Variants in ABHD2 observed in about 807,000 individuals in gnomAD.
ABHD2 encodes abhydrolase domain containing 2, acylglycerol lipase.
A neutral mutation model predicts 48.1 loss-of-function variants in ABHD2; 20 were observed. The observed-to-expected ratio is 0.42, with a 90% confidence interval of 0.29 to 0.60. The LOEUF (loss-of-function observed/expected upper bound fraction) is 0.60, where lower values mean the gene tolerates loss of function less well. Among genes scored for constraint, ABHD2 ranks in the 20% least tolerant of loss-of-function variants. The pLI is 0.24. For synonymous variants in ABHD2, 209 were observed against 214.2 expected (o/e 0.98, Z 0.21); for missense variants, 405 against 550.9 (o/e 0.74, Z 2.65).
rs929902871 is a variant in ABHD2 at position 89,185,087 on chromosome 15, C to A, written c.723-337C>A. Among the ~76,000 whole-genome samples, 1 of 152,232 alleles carries A rather than the reference C, an allele frequency of 6.6e-6. No individual in the cohort carries two copies. Among genetic ancestry groups the A allele is most frequent in the African/African-American group, 2.4e-5 (1 of 41,464 alleles). Reference sequence around the variant, plus strand: ...GGGAGCCAAATACAGAAAGTGTTCACATGACAATTGAAGCAGACTTTGGTC... The same window carrying A: ...GGGAGCCAAATACAGAAAGTGTTCAAATGACAATTGAAGCAGACTTTGGTC... On this transcript the variant is annotated intron_variant, in intron 6 of 10. Coordinates refer to ENST00000352732, the MANE Select transcript of ABHD2 (RefSeq NM_152924.5). This position sits in a 1 kb window ranked among gnomAD's most constrained non-coding sequence, Gnocchi z 5.9.
chr15:89,185,466 C>T lies in ABHD2; in HGVS notation c.765C>T (p.Phe255=). ...TGCAATGGGATCAGTGCCGGCGGTT[C>T]TACAACTTCCTCATGGCTGACAACA... ...TFMQWDQCRR[F]YNFLMADNMK... The change falls in exon 7 of 11, where the codon TTC becomes TTT. Residue 255 remains phenylalanine (F), a synonymous_variant. Transcript: ENST00000352732. The surrounding 1 kb of genome is among the most constrained non-coding windows in gnomAD (Gnocchi z 5.9). The T allele has an allele frequency of 1.2e-6, 2 of 1,614,208 alleles. No individual in the cohort carries two copies. Among genetic ancestry groups the T allele is most frequent in the Non-Finnish European group, 1.7e-6 (2 of 1,180,030 alleles).
chr15:89,177,222 G>A lies in ABHD2; in HGVS notation c.722+1227G>A, dbSNP rs934590082. ...TAAGCAGTACCTACCTCATAGCACCGCTGAGAGTCAAATGAGTTGATGCGT... is the reference window on the plus strand; with the variant it reads ...TAAGCAGTACCTACCTCATAGCACCACTGAGAGTCAAATGAGTTGATGCGT... On this transcript the variant is annotated intron_variant, in intron 6 of 10. Transcript: ENST00000352732. The surrounding 1 kb of genome is among the most constrained non-coding windows in gnomAD (Gnocchi z 5.6). Among the ~76,000 whole-genome samples the A allele has an allele frequency of 8.5e-5, 13 of 152,202 alleles. No homozygotes were observed. Among genetic ancestry groups the A allele is most frequent in the Admixed American group, 2.6e-4 (4 of 15,278 alleles).
In ABHD2 at chr15:89,184,386, A is replaced by G. The variant is rs915474398; in HGVS notation, c.723-1038A>G. ...GGTCCCCTCACTTACCATCTGGAAG[A>G]TGGAACCTAGTAGAAGTAGTGACGT... is the stretch of plus-strand genomic sequence containing the variant. On this transcript the variant is annotated intron_variant, in intron 6 of 10. Coordinates refer to ENST00000352732, the MANE Select transcript of ABHD2 (RefSeq NM_152924.5). The surrounding 1 kb of genome is among the most constrained non-coding windows in gnomAD (Gnocchi z 5.1). 2.0e-5 allele frequency among the ~76,000 whole-genome samples: 3 copies of G among 152,230 alleles called. No homozygotes were observed. Among genetic ancestry groups the G allele is most frequent in the Non-Finnish European group, 4.4e-5 (3 of 68,050 alleles).
chr15:89,070,485 A>G, the ABHD2 span, among the ~76,000 whole-genome samples: 1 of 152,124 alleles, frequency 6.6e-6, no homozygotes, highest in African/African-American at 2.4e-5. Flanking sequence ...TTGGGTCTGG[A>G]TGTGGTTTCC....
rs1283100599 is a variant in ABHD2 at position 89,137,376 on chromosome 15, C to T, written c.195-14301C>T. The stretch of plus-strand genomic sequence containing the variant: ...GTTTTCTTTGAACTTTAGAAAAGCA[C>T]ATTTATTTTTCCTTGGAGCAAAAAA... On this transcript the variant is annotated intron_variant, in intron 3 of 10. Coordinates refer to ENST00000352732, the MANE Select transcript of ABHD2 (RefSeq NM_152924.5). The surrounding 1 kb of genome is among the most constrained non-coding windows in gnomAD (Gnocchi z 4.8). Among the ~76,000 whole-genome samples the T allele has an allele frequency of 1.3e-5, 2 of 152,164 alleles. No homozygotes were observed. Among genetic ancestry groups the T allele is most frequent in the East Asian group, 1.9e-4 (1 of 5,198 alleles).
rs1159853017 is a variant in ABHD2, at chr15:89,088,871, T to C, written c.-107+308T>C. Reference sequence around the variant, plus strand: ...CCCCATTGGTGCTCACTCCTGGGTCTTCAGGGGCCTGGGGAGGGGTCTGCC... The same window carrying C: ...CCCCATTGGTGCTCACTCCTGGGTCCTCAGGGGCCTGGGGAGGGGTCTGCC... On this transcript the variant is annotated intron_variant, in intron 1 of 10. Transcript: ENST00000352732. The surrounding 1 kb of genome is among the most constrained non-coding windows in gnomAD (Gnocchi z 6.8). 6.6e-6 allele frequency among the ~76,000 whole-genome samples: 1 copy of C among 152,206 alleles called. No individual in the cohort carries two copies. The highest frequency in any genetic ancestry group is 1.5e-5 in the Non-Finnish European group (1 of 68,022).
rs2051271804 is a variant in ABHD2, at chr15:89,189,704, T to C, written c.927-1376T>C. 6.6e-6 allele frequency among the ~76,000 whole-genome samples: 1 copy of C among 152,136 alleles called. No homozygotes were observed. The highest frequency in any genetic ancestry group is 6.5e-5 in the Admixed American group (1 of 15,282). ...TCAAAGGAAATGAAAACTAGGAAAT[T>C]GCTGGTATGTTCAGAAGGTGAAAAA... On this transcript the variant is annotated intron_variant, in intron 8 of 10. Coordinates refer to ENST00000352732, the MANE Select transcript of ABHD2 (RefSeq NM_152924.5). The surrounding 1 kb of genome is among the most constrained non-coding windows in gnomAD (Gnocchi z 4.9).
At chr15:89,089,049 T>C (rs1048571161) in intron 1 of ABHD2, among the ~76,000 whole-genome samples, 18 of 152,224 alleles carry the variant, frequency 1.2e-4, no homozygotes, top group African/African-American at 4.3e-4. Flanking sequence ...GAAAGGCAGC[T>C]TTTGACCCAC....
At chr15:89,105,042 C>T (rs890073904) in intron 1 of ABHD2, among the ~76,000 whole-genome samples, 1 of 152,198 alleles carries the variant, frequency 6.6e-6, no homozygotes, top group East Asian at 1.9e-4. Context: ...CTAGAGGAAA[C>T]ACCTGGCGTA....
At position 89,097,836 on chromosome 15, in the gene ABHD2, T is replaced by C. The variant is rs1438299960; in HGVS notation, c.-107+9273T>C. ...TATATAACTGGTAGCATATTGTACATGTTGTTCTGCTCCTTGTTTTAGTCA... is the reference window on the plus strand; with the variant it reads ...TATATAACTGGTAGCATATTGTACACGTTGTTCTGCTCCTTGTTTTAGTCA... On this transcript the variant is annotated intron_variant, in intron 1 of 10. Transcript: ENST00000352732. The surrounding 1 kb of genome is among the most constrained non-coding windows in gnomAD (Gnocchi z 4.2). Among the ~76,000 whole-genome samples, 3 of 152,226 alleles carry C rather than the reference T, an allele frequency of 2.0e-5. No homozygotes were observed. Among genetic ancestry groups the C allele is most frequent in the African/African-American group, 7.2e-5 (3 of 41,450 alleles).
rs978403660 is a variant in ABHD2 at position 89,091,443 on chromosome 15, C to T, written c.-107+2880C>T. ...TCTTTGCTTGTGTATTAATATGGGCCCCTTTCTCTCTTTCTCACTCTCTTT... is the reference window on the plus strand; with the variant it reads ...TCTTTGCTTGTGTATTAATATGGGCTCCTTTCTCTCTTTCTCACTCTCTTT... On this transcript the variant is annotated intron_variant, in intron 1 of 10. Coordinates refer to ENST00000352732, the MANE Select transcript of ABHD2 (RefSeq NM_152924.5). The surrounding 1 kb of genome is among the most constrained non-coding windows in gnomAD (Gnocchi z 5.5). 6.6e-6 allele frequency among the ~76,000 whole-genome samples: 1 copy of T among 151,782 alleles called. No homozygotes were observed. Among genetic ancestry groups the T allele is most frequent in the Non-Finnish European group, 1.5e-5 (1 of 67,972 alleles).
chr15:89,055,323 CTT>C, the ABHD2 span, among the ~76,000 whole-genome samples: 24,591 of 124,194 alleles, frequency 0.2, 1,536 homozygotes, highest in East Asian at 0.26. Context: ...ACACTAGTTT[CTT>C]TTTTTTTTTT....
chr15:89,157,570 G>A (rs545864009), intron 5 of ABHD2, among the ~76,000 whole-genome samples: 44 of 152,176 alleles, frequency 2.9e-4, no homozygotes, highest in Non-Finnish European at 5.6e-4. Flanking sequence ...TTGGCCGAGC[G>A]CAGTAGCTCA....
chr15:89,128,087 G>A lies in ABHD2; in HGVS notation c.194+11566G>A, dbSNP rs923685513. 4.6e-5 allele frequency among the ~76,000 whole-genome samples: 7 copies of A among 152,196 alleles called. No individual in the cohort carries two copies. In the South Asian group the frequency reaches 6.2e-4, roughly 13 times the overall value. The stretch of plus-strand genomic sequence containing the variant: ...GTCTTCCCTGTGGTTGCTGCTTCTT[G>A]TAGAGTCAGTACACACTAACTTCAG... On this transcript the variant is annotated intron_variant, in intron 3 of 10. Transcript: ENST00000352732.
Position 89,151,749 on chromosome 15 carries a change from G to A in ABHD2, c.267G>A (p.Val89=), listed in dbSNP as rs1409378229. The change falls in exon 4 of 11, where the codon GTG becomes GTA. Residue 89 remains valine, a synonymous_variant. Coordinates refer to ENST00000352732, the MANE Select transcript of ABHD2 (RefSeq NM_152924.5). The surrounding 1 kb of genome is among the most constrained non-coding windows in gnomAD (Gnocchi z 4.7). Reference sequence around the variant, plus strand: ...CCTTGTATGGGAAGATGGGAAGGGTGAGGTCGCCACATCCTTATGGGCACC... The same window carrying A: ...CCTTGTATGGGAAGATGGGAAGGGTAAGGTCGCCACATCCTTATGGGCACC... ...QTALYGKMGR[V]RSPHPYGHRK... 2 of 1,614,218 alleles carry A rather than the reference G, an allele frequency of 1.2e-6. No homozygotes were observed. The highest frequency in any genetic ancestry group is 2.7e-5 in the African/African-American group (2 of 75,058).
chr15:89,191,006 G>T, intron 8 of ABHD2, 74 bp from the exon 9 acceptor site: 1 of 1,475,406 alleles, frequency 6.8e-7, no homozygotes, highest in Non-Finnish European at 9.3e-7. Flanking sequence ...TGGAGCCATC[G>T]TCGGCTCAGC....
chr15:89,066,179 C>G, the ABHD2 span, among the ~76,000 whole-genome samples: 2 of 152,098 alleles, frequency 1.3e-5, no homozygotes, highest in Admixed American at 6.5e-5. Context: ...TACCACAAAC[C>G]TGGGGGCTTA....
the ABHD2 span, among the ~76,000 whole-genome samples, chr15:89,061,155 G>A: frequency 5.3e-5 from 8 of 152,200 alleles, no homozygotes; most frequent in South Asian, 2.1e-4. Flanking sequence ...GGTGGCTCAC[G>A]CCTTGTAATC....
rs771694986 is a variant in ABHD2 at position 89,097,702 on chromosome 15, TC to T, written c.-107+9141del. Among the ~76,000 whole-genome samples the T allele has an allele frequency of 6.6e-6, 1 of 152,312 alleles. No individual in the cohort carries two copies. Among genetic ancestry groups the T allele is most frequent in the East Asian group, 1.9e-4 (1 of 5,182 alleles). On this transcript the variant is annotated intron_variant, in intron 1 of 10. Transcript: ENST00000352732. The surrounding 1 kb of genome is among the most constrained non-coding windows in gnomAD (Gnocchi z 4.2). Reference sequence around the variant, plus strand: ...ACAACATAGTAAAGAGTGGAAAACTTCCTCCCAAGAAGCACTCAATGTTACT... The same window carrying T: ...ACAACATAGTAAAGAGTGGAAAACTTCTCCCAAGAAGCACTCAATGTTACT...
Sources: allele counts gnomAD v4.1 joint callset (sites outside exome capture counted in the v4.1 genomes callset), GRCh38; gene constraint gnomAD v4.1.1; non-coding constraint Gnocchi (gnomAD v3.1); transcripts MANE v1.5; gene names NCBI Gene and HGNC (gene_info 2026-07-23, HGNC 2026-07-21).